PACS1: variants seen among roughly 807,000 people sequenced by gnomAD.
PACS1 encodes PACS-1.
A neutral mutation model predicts 115.0 loss-of-function variants in PACS1; 24 were observed. The ratio of observed to expected loss-of-function variants is 0.21; its 90% CI spans 0.15 to 0.29. The LOEUF (loss-of-function observed/expected upper bound fraction) is 0.29. Ranked by LOEUF, PACS1 falls within the 10% of genes least tolerant of loss-of-function variation. The probability of loss-of-function intolerance (pLI) is 1.00; values close to 1 mark genes in which losing one functional copy is unlikely to be tolerated. For synonymous variants in PACS1, 453 were observed against 504.5 expected, an observed-to-expected ratio of 0.90 and a Z score of 1.37; for missense variants, 838 against 1,251.2, an observed-to-expected ratio of 0.67 and a Z score of 4.98.
chr11:66,185,775 A>G (rs1854349459), intron 1 of PACS1, among the ~76,000 whole-genome samples: 1 of 152,188 alleles, frequency 6.6e-6, no homozygotes, highest in Non-Finnish European at 1.5e-5. Context: ...GTTTCCTGAT[A>G]GGGCACTGCC....
chr11:66,154,990 T>C (rs1356348138), intron 1 of PACS1, among the ~76,000 whole-genome samples: 3 of 152,074 alleles, frequency 2.0e-5, no homozygotes, highest in Non-Finnish European at 4.4e-5. Context: ...CACACGTAAA[T>C]AGACAATTGA....
At chr11:66,127,277 G>A (rs568978418) in intron 1 of PACS1, among the ~76,000 whole-genome samples, 160 of 152,306 alleles carry the variant, frequency 1.1e-3, no homozygotes, top group Non-Finnish European at 2.0e-3. Flanking sequence ...CAGGTTTTCT[G>A]AACCCCCGGT....
intron 1 of PACS1, among the ~76,000 whole-genome samples, chr11:66,155,329 A>G (rs61890288): frequency 6.6e-6 from 1 of 152,122 alleles, no homozygotes; most frequent in Non-Finnish European, 1.5e-5. Flanking sequence ...AATGAAGAAA[A>G]TGTACAATAT....
At chr11:66,241,725 T>A in intron 22 of PACS1, 72 bp downstream of exon 22, 1 of 1,254,310 alleles carries the variant, frequency 8.0e-7, no homozygotes, top group Admixed American at 1.9e-5. Context: ...GGCCTGGGAA[T>A]AAATCTGCTT....
intron 1 of PACS1, among the ~76,000 whole-genome samples, chr11:66,075,092 G>A (rs1857373459): frequency 6.6e-6 from 1 of 151,836 alleles, no homozygotes; most frequent in African/African-American, 2.4e-5. Context: ...ACAGGCGCCT[G>A]CCACCACACC....
intron 1 of PACS1, among the ~76,000 whole-genome samples, chr11:66,185,282 C>T (rs553318580): frequency 6.6e-6 from 1 of 152,186 alleles, no homozygotes; most frequent in East Asian, 1.9e-4. Flanking sequence ...TTCAGAATGC[C>T]TATGTAGAGA....
intron 1 of PACS1, among the ~76,000 whole-genome samples, chr11:66,171,612 C>G (rs946559456): frequency 6.7e-6 from 1 of 149,646 alleles, no homozygotes. Flanking sequence ...CGGAGTCTCG[C>G]TCTGTCGCCC....
chr11:66,125,233 T>C (rs1405946647), intron 1 of PACS1, among the ~76,000 whole-genome samples: 1 of 152,012 alleles, frequency 6.6e-6, no homozygotes, highest in Non-Finnish European at 1.5e-5. Context: ...ATACTGCAAA[T>C]TGGGTACAGT....
intron 1 of PACS1, among the ~76,000 whole-genome samples, chr11:66,137,288 C>A (rs1858868632): frequency 6.6e-6 from 1 of 151,788 alleles, no homozygotes; most frequent in Admixed American, 6.6e-5. Context: ...GTACTTAAAT[C>A]TTTTATGCAT....
Position 66,242,865 on chromosome 11 carries a change from C to T in PACS1, c.2657-47C>T, listed in dbSNP as rs368592417. The stretch of plus-strand genomic sequence containing the variant: ...AGTCGGCTGGGGAGGAGAGGGGTGG[C>T]GGCTTCCCCAGGGGCTGGGACACAG... On this transcript the variant is annotated intron_variant, in intron 22 of 23. Coordinates refer to ENST00000320580, the MANE Select transcript of PACS1 (RefSeq NM_018026.4). The T allele has an allele frequency of 4.2e-4, 675 of 1,610,136 alleles. 1 individual carries two copies. The highest frequency in any genetic ancestry group is 1.1e-3 in the East Asian group (48 of 44,778).
intron 1 of PACS1, among the ~76,000 whole-genome samples, chr11:66,089,210 C>T (rs1590735720): frequency 6.6e-6 from 1 of 152,210 alleles, no homozygotes; most frequent in African/African-American, 2.4e-5. Flanking sequence ...TTTCCCACCA[C>T]TGAATGTCAG....
chr11:66,202,762 T>A (rs377046823), intron 2 of PACS1, among the ~76,000 whole-genome samples: 26,090 of 77,896 alleles, frequency 0.33, 7,711 homozygotes, highest in Non-Finnish European at 0.42. Flanking sequence ...TATATATATA[T>A]ATATATATAT....
intron 1 of PACS1, among the ~76,000 whole-genome samples, chr11:66,103,709 T>C (rs1857971819): frequency 6.6e-6 from 1 of 151,964 alleles, no homozygotes; most frequent in African/African-American, 2.4e-5. Flanking sequence ...AGACGGGGTT[T>C]CACCATGTTG....
intron 4 of PACS1, among the ~76,000 whole-genome samples, chr11:66,214,328 G>A (rs1377318957): frequency 2.0e-5 from 3 of 152,196 alleles, no homozygotes; most frequent in East Asian, 1.9e-4. Context: ...CCCCTGCTAC[G>A]CCAGGCTCTG....
intron 1 of PACS1, among the ~76,000 whole-genome samples, chr11:66,151,634 C>A (rs1859242426): frequency 6.6e-6 from 1 of 152,230 alleles, no homozygotes; most frequent in African/African-American, 2.4e-5. Context: ...CTCAGAAGAA[C>A]ACAGTAGAAT....
intron 1 of PACS1, among the ~76,000 whole-genome samples, chr11:66,081,691 A>G (rs1857482886): frequency 6.6e-6 from 1 of 152,216 alleles, no homozygotes; most frequent in Non-Finnish European, 1.5e-5. Context: ...CCTGCAAACC[A>G]CAGCTTTGTT....
intron 2 of PACS1, among the ~76,000 whole-genome samples, chr11:66,206,164 A>G (rs943117291): frequency 2.0e-5 from 3 of 152,140 alleles, no homozygotes; most frequent in Admixed American, 2.0e-4. Flanking sequence ...ATAATAATAA[A>G]ACACCAGTAA....
intron 7 of PACS1, 174 bp downstream of exon 7, chr11:66,216,949 T>C: frequency 1.7e-6 from 1 of 601,240 alleles, no homozygotes; most frequent in Non-Finnish European, 3.0e-6. Context: ...CTCACTGTTG[T>C]TGGGAACCAC....
At chr11:66,210,938 A>G (rs986910760) in intron 3 of PACS1, among the ~76,000 whole-genome samples, 196 bp from the exon 4 acceptor site, 1 of 152,196 alleles carries the variant, frequency 6.6e-6, no homozygotes, top group African/African-American at 2.4e-5. Context: ...TGTGGACCCC[A>G]GAGCTGTGGC....
Sources: gnomAD v4.1 joint callset for allele counts (sites outside exome capture counted in the v4.1 genomes callset) on GRCh38, gnomAD v4.1.1 for gene constraint, MANE v1.5 for transcripts, NCBI Gene and HGNC (gene_info 2026-07-23, HGNC 2026-07-21) for gene names.